CFAP74: variants seen among roughly 807,000 people sequenced by gnomAD.
CFAP74 encodes the protein cilia and flagella associated protein 74.
CFAP74 carries 124 observed loss-of-function variants against 188.9 expected under a neutral mutation model. The observed-to-expected ratio is 0.66, with a 90% CI of 0.57 to 0.76. The LOEUF (loss-of-function observed/expected upper bound fraction) is 0.76, where lower values mean the gene tolerates loss of function less well. Ranked by LOEUF, CFAP74 falls within the 30% of genes least tolerant of loss-of-function variation. The pLI, the probability that CFAP74 is intolerant of heterozygous loss-of-function variation, is 0.00. For missense variants in CFAP74, 2,198 were observed against 2,165.2 expected (o/e 1.02, Z -0.30); for synonymous variants, 956 against 916.7 (o/e 1.04, Z -0.77).
At chr1:1,938,345 C>A (rs1043589303) in intron 25 of CFAP74, among the ~76,000 whole-genome samples, 1 of 151,598 alleles carries the variant, frequency 6.6e-6, no homozygotes, top group African/African-American at 2.4e-5. Flanking sequence ...CACACACACA[C>A]GCTCACTCAC....
chr1:1,964,863 G>A (rs545174868), intron 13 of CFAP74, 25 bp downstream of exon 13: 34 of 1,612,990 alleles, frequency 2.1e-5, no homozygotes, highest in African/African-American at 1.1e-4. Context: ...TGCCCGTCCC[G>A]TTCCTGGCCC....
chr1:1,976,059 T>C (rs1310863708), intron 6 of CFAP74, among the ~76,000 whole-genome samples: 1 of 152,240 alleles, frequency 6.6e-6, no homozygotes, highest in Non-Finnish European at 1.5e-5. Flanking sequence ...TCAAAGGCAG[T>C]GCCTGTCTGT....
rs528408668 is a variant in CFAP74, at chr1:1,968,501, C to T, written c.1245+134G>A. On this transcript the variant is annotated intron_variant, in intron 11 of 38. Coordinates refer to ENST00000682832, the MANE Select transcript of CFAP74 (RefSeq NM_001304360.2). The surrounding 1 kb of genome is among the most constrained non-coding windows in gnomAD (Gnocchi z 4.3). ...CTTGAGCTGAGTGGCGGCCACTCAG[C>T]GGGCTCAGCAACCCCCTGCAGGTGG... 1.5e-5 allele frequency: 11 copies of T among 727,432 alleles called. No individual in the cohort carries two copies. Among genetic ancestry groups the T allele is most frequent in the Admixed American group, 2.3e-5 (1 of 42,780 alleles). The allele number at this position is 727,432 out of a possible 1,614,324, so 45.1% of individuals were successfully genotyped here. A position where few individuals can be genotyped will look rare whatever the true frequency, so the allele number is the denominator to read the frequency against.
intron 6 of CFAP74, among the ~76,000 whole-genome samples, chr1:1,974,709 T>C (rs747419458): frequency 2.0e-5 from 3 of 152,242 alleles, no homozygotes; most frequent in Non-Finnish European, 2.9e-5. Flanking sequence ...ACCCCTGGTC[T>C]TGGGCGAATT....
At chr1:1,953,707 C>T (rs1179674704) in intron 18 of CFAP74, 2 of 153,692 alleles carry the variant, frequency 1.3e-5, no homozygotes, top group African/African-American at 4.8e-5. Flanking sequence ...TCAGCCCTGA[C>T]TTCCACCACA....
chr1:1,988,136 G>A, intron 4 of CFAP74: 1 of 480,592 alleles, frequency 2.1e-6, no homozygotes, highest in Non-Finnish European at 4.3e-6. Flanking sequence ...AGGAGACGCT[G>A]AAATATTTAG....
In CFAP74 at chr1:1,926,766, G is replaced by T; in HGVS notation, c.3663-5C>A. On this transcript the variant is annotated splice_region_variant and splice_polypyrimidine_tract_variant and intron_variant, in intron 29 of 38. Coordinates refer to ENST00000682832, the MANE Select transcript of CFAP74 (RefSeq NM_001304360.2). Reference sequence around the variant, plus strand: ...AGGTACAGGGTGTTGTGGGGGCTGGGATAGGAAGGGCATGCTGAGGGCAGG... The same window carrying T: ...AGGTACAGGGTGTTGTGGGGGCTGGTATAGGAAGGGCATGCTGAGGGCAGG... 2 of 1,549,750 alleles carry T rather than the reference G, an allele frequency of 1.3e-6. No individual in the cohort carries two copies. Among genetic ancestry groups the T allele is most frequent in the Non-Finnish European group, 1.7e-6 (2 of 1,146,540 alleles).
chr1:1,946,208 C>T, intron 20 of CFAP74, 109 bp downstream of exon 20: 2 of 1,352,204 alleles, frequency 1.5e-6, no homozygotes, highest in Middle Eastern at 2.1e-4. Context: ...CACCAACTGG[C>T]CATCCCTGCG....
intron 4 of CFAP74, chr1:1,988,278 G>A (rs1004095433): frequency 2.9e-5 from 19 of 645,402 alleles, no homozygotes; most frequent in Middle Eastern, 2.7e-4. Flanking sequence ...TCTGGGTGGC[G>A]CTGGGGGCAG....
At position 1,926,275 on chromosome 1, in the gene CFAP74, C is replaced by T; in HGVS notation, c.3901G>A (p.Gly1301Arg). The part of the protein sequence containing the change: ...LNHSSLLRAG[G>R]TQVLVLSFSP... The stretch of plus-strand genomic sequence containing the variant: ...AAGGAAAGCACCAGGACCTGGGTCC[C>T]ACCTGCACGCAGCAGGCTGGAGTGG... Residue 1301 changes from glycine to arginine, a missense_variant, in exon 32 of 39, where the codon GGG (glycine) becomes AGG (arginine). Transcript: ENST00000682832. 1 of 1,541,350 alleles carries T rather than the reference C, an allele frequency of 6.5e-7. No individual in the cohort carries two copies.
rs1651895166 is a variant in CFAP74, at chr1:1,926,366, G to T, written c.3829-19C>A. On this transcript the variant is annotated intron_variant, in intron 31 of 38. Coordinates refer to ENST00000682832, the MANE Select transcript of CFAP74 (RefSeq NM_001304360.2). ...AGTCCAGCTGAGGGTCCACGTCAAG[G>T]AGGGGATACAGGTGTCTGCAGGCTC... 1.3e-6 allele frequency: 2 copies of T among 1,549,390 alleles called. No individual in the cohort carries two copies. Among genetic ancestry groups the T allele is most frequent in the Admixed American group, 2.0e-5 (1 of 50,908 alleles).
chr1:1,994,839 A>T (rs6667687), intron 1 of CFAP74, among the ~76,000 whole-genome samples: 49,900 of 152,056 alleles, frequency 0.33, 9,053 homozygotes, highest in African/African-American at 0.48. Flanking sequence ...AACAGGGGGT[A>T]GATTTATTGT....
chr1:1,990,517 T>C (rs1192309720), intron 2 of CFAP74, among the ~76,000 whole-genome samples: 1 of 152,124 alleles, frequency 6.6e-6, no homozygotes, highest in East Asian at 1.9e-4. Flanking sequence ...GGCCTGCCTG[T>C]GCCCAGAACT....
At chr1:1,958,291 A>C (rs1046816899) in intron 16 of CFAP74, among the ~76,000 whole-genome samples, 1 of 152,198 alleles carries the variant, frequency 6.6e-6, no homozygotes, top group East Asian at 1.9e-4. Context: ...CCTCTAGTGT[A>C]AGAATGGGCC....
At chr1:1,954,868 T>C in intron 18 of CFAP74, 1 of 1,152,962 alleles carries the variant, frequency 8.7e-7, no homozygotes, top group Non-Finnish European at 1.1e-6. Context: ...CCAGGTGCCC[T>C]GTGGGAACTC....
Position 1,922,702 on chromosome 1 carries a change from T to C in CFAP74, c.4705A>G (p.Ser1569Gly), listed in dbSNP as rs1651479904. The change falls in exon 38 of 39, where the codon AGC becomes GGC. Residue 1569 changes from serine to glycine, a missense_variant. By Grantham distance (56) the Ser-to-Gly change is moderately conservative (BLOSUM62 0). Coordinates refer to ENST00000682832, the MANE Select transcript of CFAP74 (RefSeq NM_001304360.2). ...CCCTTGTGCTGCAGGGATGCGACGCTGTCTATGCTGAACTCAACGGTCTGT... is the reference window on the plus strand; with the variant it reads ...CCCTTGTGCTGCAGGGATGCGACGCCGTCTATGCTGAACTCAACGGTCTGT... ...PKKTVEFSID[S>G]VASLQHKGFS... 1 of 1,601,766 alleles carries C rather than the reference T, an allele frequency of 6.2e-7. No individual in the cohort carries two copies. Among genetic ancestry groups the C allele is most frequent in the South Asian group, 1.1e-5 (1 of 90,134 alleles).
rs575815718 is a variant in CFAP74 at position 1,965,851 on chromosome 1, C to A, written c.1401+520G>T. ...GCCAATGCTTACAGAAACCGGGCGG[C>A]GGGCATTGCCCTCCCACGTGGGACA... On this transcript the variant is annotated intron_variant, in intron 12 of 38. Coordinates refer to ENST00000682832, the MANE Select transcript of CFAP74 (RefSeq NM_001304360.2). 1.3e-3 allele frequency among the ~76,000 whole-genome samples: 204 copies of A among 152,342 alleles called. 1 individual carries two copies. Among genetic ancestry groups the A allele is most frequent in the Middle Eastern group, 6.8e-3 (2 of 292 alleles).
At chr1:1,948,096 C>T (rs1176474473) in intron 18 of CFAP74, among the ~76,000 whole-genome samples, 1 of 152,144 alleles carries the variant, frequency 6.6e-6, no homozygotes, top group Non-Finnish European at 1.5e-5. Flanking sequence ...TGGTCTCGAA[C>T]TCCTGACCTT....
At position 1,921,957 on chromosome 1, in the gene CFAP74, T is replaced by G; in HGVS notation, c.*330A>C. On this transcript the variant is annotated 3_prime_UTR_variant, in exon 39 of 39. Transcript: ENST00000682832. Reference sequence around the variant, plus strand: ...TGTCACCCACACTGCAGGCTGCATGTGTTGGCCTACAAAAAATTTATTGAC... The same window carrying G: ...TGTCACCCACACTGCAGGCTGCATGGGTTGGCCTACAAAAAATTTATTGAC... 3.2e-6 allele frequency: 1 copy of G among 312,612 alleles called. No homozygotes were observed. The highest frequency in any genetic ancestry group is 6.0e-6 in the Non-Finnish European group (1 of 165,788). 19.4% of individuals were successfully genotyped at this position (312,612 alleles called of 1,614,324 possible).
Sources: gnomAD v4.1 joint callset for allele counts (sites outside exome capture counted in the v4.1 genomes callset) on GRCh38, gnomAD v4.1.1 for gene constraint, Gnocchi (gnomAD v3.1) non-coding constraint, MANE v1.5 for transcripts, NCBI Gene and HGNC (gene_info 2026-07-23, HGNC 2026-07-21) for gene names.